The following LIPA variants were observed in gnomAD, a reference collection of about 807,000 sequenced individuals.
LIPA encodes the protein lysosomal acid lipase/cholesteryl ester hydrolase.
A neutral mutation model predicts 40.6 loss-of-function variants in LIPA; 26 were observed. That is an observed-to-expected ratio of 0.64 (90% CI 0.47 to 0.89). The LOEUF (loss-of-function observed/expected upper bound fraction) is 0.89. Among genes scored for constraint, LIPA ranks in the 40% least tolerant of loss-of-function variants. The probability of loss-of-function intolerance (pLI) is 0.00; values close to 1 mark genes in which losing one functional copy is unlikely to be tolerated. For synonymous variants in LIPA, 188 were observed against 168.4 expected (o/e 1.12, Z -0.90); for missense variants, 455 against 479.6 (o/e 0.95, Z 0.48).
chr10:89,251,093 A>C (rs2133476401), intron 1 of LIPA, among the ~76,000 whole-genome samples: 1 of 152,342 alleles, frequency 6.6e-6, no homozygotes, highest in Non-Finnish European at 1.5e-5. Flanking sequence ...TTCTAATAAC[A>C]ACAATTATTA....
chr10:89,292,611 G>GTA (rs1265170118), intron 1 of LIPA: 2 of 152,122 alleles, frequency 1.3e-5, no homozygotes, highest in Non-Finnish European at 2.9e-5. Flanking sequence ...TTTATACATA[G>GTA]TAGTCCACTC....
At chr10:89,279,647 T>C (rs141879314) in intron 1 of LIPA, among the ~76,000 whole-genome samples, 1 of 152,260 alleles carries the variant, frequency 6.6e-6, no homozygotes, top group Non-Finnish European at 1.5e-5. Flanking sequence ...GAGAAAGTAA[T>C]AGGAAAATAT....
At chr10:89,253,857 A>T (rs746946333), upstream of LIPA, among the ~76,000 whole-genome samples, 4 of 152,256 alleles carry the variant, frequency 2.6e-5, no homozygotes, top group Non-Finnish European at 4.4e-5. Context: ...AGCCGCATGC[A>T]AGTCCAGATC....
intron 1 of LIPA, among the ~76,000 whole-genome samples, chr10:89,267,268 T>C (rs1471600891): frequency 6.6e-6 from 1 of 152,246 alleles, no homozygotes; most frequent in East Asian, 1.9e-4. Flanking sequence ...GATAGTGCAG[T>C]AGCCCCAGGT....
intron 1 of LIPA, among the ~76,000 whole-genome samples, chr10:89,275,181 G>T (rs564856232): frequency 6.6e-6 from 1 of 152,270 alleles, no homozygotes; most frequent in East Asian, 1.9e-4. Context: ...CAACTATTTA[G>T]CCTTTTTATG....
chr10:89,394,997 T>C lies in LIPA; in HGVS notation c.61+17794A>G, dbSNP rs550666168. 1.5e-4 allele frequency among the ~76,000 whole-genome samples: 23 copies of C among 152,334 alleles called. 2 individuals are homozygous for C. Among genetic ancestry groups the C allele is most frequent in the Middle Eastern group, 3.4e-3 (1 of 294 alleles). On this transcript the variant is annotated intron_variant, in intron 2 of 8. Coordinates refer to the LIPA transcript ENST00000371837. ...TTTCCTAAGCATCCCTTTTTGAATA[T>C]TAAGTTGGACTTTCTCATTCCAGAA...
At chr10:89,244,180 A>G (rs189198583) in intron 3 of LIPA, among the ~76,000 whole-genome samples, 28 of 152,222 alleles carry the variant, frequency 1.8e-4, no homozygotes, top group African/African-American at 6.7e-4. Context: ...TCAAATTTCA[A>G]AAAAAATGGT....
In LIPA at chr10:89,366,355, C is replaced by G. The variant is rs892185949; in HGVS notation, c.61+46436G>C. On this transcript the variant is annotated intron_variant, in intron 2 of 8. Transcript: ENST00000371837. ...GCTTAAGGAGCTTTTGGGCTGAGAC[C>G]ATGGGGTTTTCTAAATATACAATCA... 6.6e-5 allele frequency among the ~76,000 whole-genome samples: 10 copies of G among 152,052 alleles called. No individual in the cohort carries two copies. In the South Asian group the frequency reaches 8.3e-4, roughly 13 times the overall value.
rs374527969 is a variant in LIPA, at chr10:89,225,040, T to C, written c.675+52A>G. 6.3e-5 allele frequency: 101 copies of C among 1,600,640 alleles called. No individual in the cohort carries two copies. In the African/African-American group the frequency reaches 1.2e-3, roughly 18 times the overall value. ...TCCCTCCCCTTGCCATTTCTTCAGA[T>C]CTCAGGAGGAAATCTGCGGGGAGAG... On this transcript the variant is annotated intron_variant, in intron 6 of 9. Coordinates refer to ENST00000336233, the MANE Select transcript of LIPA (RefSeq NM_000235.4).
chr10:89,280,045 T>C (rs1843307413), intron 1 of LIPA, among the ~76,000 whole-genome samples: 12 of 152,194 alleles, frequency 7.9e-5, no homozygotes, highest in Admixed American at 7.9e-4. Flanking sequence ...CATTAAAATA[T>C]GCCTATTAAA....
intron 1 of LIPA, among the ~76,000 whole-genome samples, chr10:89,287,891 C>T (rs958999964): frequency 6.6e-6 from 1 of 152,188 alleles, no homozygotes; most frequent in African/African-American, 2.4e-5. Flanking sequence ...AACTCGTACA[C>T]TCTTTTGTCC....
At chr10:89,392,506 G>T in intron 2 of LIPA, 1 of 244,188 alleles carries the variant, frequency 4.1e-6, no homozygotes, top group Non-Finnish European at 7.2e-6. Context: ...GCTAGCTTTA[G>T]TTTCACTTTC....
chr10:89,301,292 A>G (rs1385869458), intron 1 of LIPA, among the ~76,000 whole-genome samples: 1 of 152,236 alleles, frequency 6.6e-6, no homozygotes, highest in African/African-American at 2.4e-5. Context: ...ATACCATGCA[A>G]TGTGCAGGTT....
chr10:89,245,978 C>T (rs529527237), intron 2 of LIPA, among the ~76,000 whole-genome samples, 185 bp from the exon 3 acceptor site: 5 of 152,166 alleles, frequency 3.3e-5, no homozygotes, highest in South Asian at 2.1e-4. Flanking sequence ...CCTTGTTTCA[C>T]GCTTGTGTTC....
intron 1 of LIPA, among the ~76,000 whole-genome samples, chr10:89,268,361 G>C (rs1156644411): frequency 7.2e-5 from 11 of 152,214 alleles, no homozygotes; most frequent in Non-Finnish European, 1.6e-4. Flanking sequence ...GCTTAGAATA[G>C]TGCCTTGCAC....
chr10:89,227,572 C>G (rs923605797), intron 4 of LIPA, among the ~76,000 whole-genome samples: 3 of 152,158 alleles, frequency 2.0e-5, no homozygotes, highest in East Asian at 3.8e-4. Context: ...TACCTGGTAC[C>G]AAAACATAGA....
At chr10:89,244,241 G>A (rs748713480) in intron 3 of LIPA, among the ~76,000 whole-genome samples, 1 of 152,010 alleles carries the variant, frequency 6.6e-6, no homozygotes, top group Non-Finnish European at 1.5e-5. Flanking sequence ...TAGAACACAT[G>A]GAAGAAAAAA....
intron 6 of LIPA, 151 bp from the exon 7 acceptor site, chr10:89,223,981 GCT>G: frequency 1.3e-6 from 1 of 760,858 alleles, no homozygotes. Flanking sequence ...AAATCAGGAT[GCT>G]TTTGCACAAG....
Position 89,280,010 on chromosome 10 carries a change from GT to G in LIPA, c.-1-32362del, listed in dbSNP as rs1843307282. Among the ~76,000 whole-genome samples the G allele has an allele frequency of 1.3e-5, 2 of 152,084 alleles. 1 individual carries two copies. Among genetic ancestry groups the G allele is most frequent in the South Asian group, 4.1e-4 (2 of 4,828 alleles). Reference sequence around the variant, plus strand: ...GTGATAATCTGAAAATGACTTAAATGTCCAGCAAAAATACATTAATTAAACA... The same window carrying G: ...GTGATAATCTGAAAATGACTTAAATGCCAGCAAAAATACATTAATTAAACA... On this transcript the variant is annotated intron_variant, in intron 1 of 5. Coordinates refer to the LIPA transcript ENST00000282673.
Sources: allele counts gnomAD v4.1 joint callset (sites outside exome capture counted in the v4.1 genomes callset), GRCh38; gene constraint gnomAD v4.1.1; transcripts MANE v1.5; gene names NCBI Gene and HGNC (gene_info 2026-07-23, HGNC 2026-07-21).